TSPAN18: variants seen among roughly 807,000 people sequenced by gnomAD.
TSPAN18 encodes tetraspanin 18, also known as tetraspanin-18.
In TSPAN18, 14 loss-of-function variants were observed where a neutral mutation model predicts 27.3. The ratio of observed to expected loss-of-function variants is 0.51; its 90% CI spans 0.34 to 0.80. TSPAN18 has a LOEUF of 0.80. Ranked by LOEUF, TSPAN18 falls within the 30% of genes least tolerant of loss-of-function variation. The probability of loss-of-function intolerance (pLI) is 0.01; values close to 1 mark genes in which losing one functional copy is unlikely to be tolerated. For synonymous variants in TSPAN18, 143 were observed against 136.5 expected (o/e 1.05, Z -0.33); for missense variants, 268 against 323.9 (o/e 0.83, Z 1.32).
chr11:44,901,292 C>T (rs1323307861), intron 3 of TSPAN18: 1 of 152,260 alleles, frequency 6.6e-6, no homozygotes, highest in Non-Finnish European at 1.5e-5. Context: ...GCCCAGCACT[C>T]CGCAAGCCCG....
chr11:44,807,553 A>G (rs1458985267), intron 2 of TSPAN18, among the ~76,000 whole-genome samples: 3 of 145,242 alleles, frequency 2.1e-5, no homozygotes, highest in East Asian at 2.1e-4. Context: ...AAAAAAAAAG[A>G]AAAGAAAAAA....
rs72897359 is a variant in TSPAN18 at position 44,841,828 on chromosome 11, C to T, written c.-152-18500C>T. On this transcript the variant is annotated intron_variant, in intron 2 of 9. Transcript: ENST00000520358. ...GGTTCCAGCAGAGGTTGGCAGTGAC[C>T]CCACCATCAGGTCCAAATGATAAGT... Among the ~76,000 whole-genome samples the T allele has an allele frequency of 7.7e-3, 1,165 of 152,226 alleles. 6 individuals are homozygous for T. Among genetic ancestry groups the T allele is most frequent in the Non-Finnish European group, 0.013 (853 of 68,012 alleles).
intron 1 of TSPAN18, among the ~76,000 whole-genome samples, chr11:44,737,419 C>T (rs1356382804): frequency 1.3e-5 from 2 of 152,106 alleles, no homozygotes; most frequent in Non-Finnish European, 2.9e-5. Context: ...AGAGGCACTC[C>T]CTGACGTCTC....
chr11:44,762,191 G>A (rs1855468800), intron 1 of TSPAN18, among the ~76,000 whole-genome samples: 1 of 152,240 alleles, frequency 6.6e-6, no homozygotes. Context: ...GGTCATTGCA[G>A]CAAGGCTATA....
chr11:44,828,019 A>G (rs1857080162), intron 2 of TSPAN18, among the ~76,000 whole-genome samples: 1 of 152,172 alleles, frequency 6.6e-6, no homozygotes, highest in Non-Finnish European at 1.5e-5. Flanking sequence ...ATGTTTCCCC[A>G]CAGGGAAGAC....
At chr11:44,769,475 A>G (rs1855641840) in intron 2 of TSPAN18, among the ~76,000 whole-genome samples, 2 of 152,140 alleles carry the variant, frequency 1.3e-5, no homozygotes, top group African/African-American at 4.8e-5. Flanking sequence ...AATTGGTATA[A>G]TTTCTCCCAT....
At chr11:44,921,522 T>C (rs536387948) in intron 8 of TSPAN18, among the ~76,000 whole-genome samples, 1 of 152,134 alleles carries the variant, frequency 6.6e-6, no homozygotes, top group Non-Finnish European at 1.5e-5. Flanking sequence ...CAGAGGTGAT[T>C]TGTGCAACTT....
chr11:44,908,957 A>G (rs1387007492), intron 4 of TSPAN18, among the ~76,000 whole-genome samples: 2 of 152,198 alleles, frequency 1.3e-5, no homozygotes, highest in Admixed American at 6.5e-5. Context: ...AGGCTCAGAC[A>G]GATTTTGACA....
chr11:44,908,771 G>GGAAAGAA (rs1564992506), intron 4 of TSPAN18, among the ~76,000 whole-genome samples: 1 of 26,246 alleles, frequency 3.8e-5, no homozygotes, highest in Non-Finnish European at 7.0e-5. Flanking sequence ...AGAGAAAGGA[G>GGAAAGAA]AAAGAAAGAA....
intron 2 of TSPAN18, among the ~76,000 whole-genome samples, chr11:44,798,299 C>T (rs944132122): frequency 6.6e-6 from 1 of 152,240 alleles, no homozygotes; most frequent in African/African-American, 2.4e-5. Context: ...TTTCCTGCGT[C>T]TTTCATGTAA....
chr11:44,925,343 TGA>T (rs1347262349), intron 8 of TSPAN18, among the ~76,000 whole-genome samples: 9 of 152,232 alleles, frequency 5.9e-5, no homozygotes, highest in African/African-American at 2.2e-4. Context: ...CACTCAGTCC[TGA>T]GAGTATCATG....
At chr11:44,778,302 C>T (rs563305667) in intron 2 of TSPAN18, among the ~76,000 whole-genome samples, 12 of 152,212 alleles carry the variant, frequency 7.9e-5, no homozygotes, top group African/African-American at 2.2e-4. Flanking sequence ...GGGAGTTTCT[C>T]CCTCATCTCC....
rs148034240 is a variant in TSPAN18 at position 44,906,464 on chromosome 11, C to A, written c.48C>A (p.Phe16Leu). The change falls in exon 4 of 10, where the codon TTC (phenylalanine) becomes TTA (leucine). Residue 16 changes from phenylalanine (F) to leucine (L), a missense_variant. Transcript: ENST00000520358. ...LSCMKYLMFV[F>L]NFFIFLGGAC... ...GCATGAAGTATCTGATGTTTGTATT[C>A]AATTTCTTCATATTTGTAAGTATTC... The A allele has an allele frequency of 1.5e-5, 25 of 1,613,990 alleles. No homozygotes were observed. Among genetic ancestry groups the A allele is most frequent in the Non-Finnish European group, 2.1e-5 (25 of 1,179,962 alleles).
intron 2 of TSPAN18, among the ~76,000 whole-genome samples, chr11:44,814,295 T>A (rs973363996): frequency 2.0e-5 from 3 of 152,126 alleles, no homozygotes; most frequent in African/African-American, 4.8e-5. Context: ...GAAGAAAGAA[T>A]ATTTGCCCCT....
At chr11:44,740,310 T>C (rs781421328) in intron 1 of TSPAN18, among the ~76,000 whole-genome samples, 12 of 152,226 alleles carry the variant, frequency 7.9e-5, no homozygotes, top group Non-Finnish European at 1.8e-4. Context: ...TCTACCTTCC[T>C]CCATTGTGTG....
chr11:44,747,698 GTC>G (rs1855111925), intron 1 of TSPAN18, among the ~76,000 whole-genome samples: 1 of 151,854 alleles, frequency 6.6e-6, no homozygotes, highest in African/African-American at 2.4e-5. Flanking sequence ...CCCCCCTCCC[GTC>G]TCTCTCTCAG....
At chr11:44,787,159 A>C (rs1856077983) in intron 2 of TSPAN18, among the ~76,000 whole-genome samples, 1 of 152,226 alleles carries the variant, frequency 6.6e-6, no homozygotes, top group Non-Finnish European at 1.5e-5. Flanking sequence ...CTCTTGAAAA[A>C]CAGTGATCTA....
intron 2 of TSPAN18, among the ~76,000 whole-genome samples, chr11:44,853,177 C>T (rs1387065036): frequency 6.6e-6 from 1 of 152,144 alleles, no homozygotes; most frequent in Non-Finnish European, 1.5e-5. Context: ...TCCTGAAGAT[C>T]TGTCTTCCTG....
At chr11:44,739,284 G>GT (rs911354421) in intron 1 of TSPAN18, among the ~76,000 whole-genome samples, 15 of 152,220 alleles carry the variant, frequency 9.9e-5, no homozygotes, top group African/African-American at 3.4e-4. Flanking sequence ...CCCTCCCTCC[G>GT]TATCTTTTTT....
Sources: gnomAD v4.1 joint callset for allele counts (sites outside exome capture counted in the v4.1 genomes callset) on GRCh38, gnomAD v4.1.1 for gene constraint, MANE v1.5 for transcripts, NCBI Gene and HGNC (gene_info 2026-07-23, HGNC 2026-07-21) for gene names.